Variants in CSPG4 observed in about 807,000 individuals in gnomAD.
The protein encoded by CSPG4 is chondroitin sulfate proteoglycan 4, also known as chondroitin sulfate proteoglycan 4 (melanoma-associated).
Under a neutral mutation model 139.3 loss-of-function variants are expected in CSPG4, and 74 were observed. The observed-to-expected ratio is 0.53, with a 90% confidence interval of 0.44 to 0.64. CSPG4 has a LOEUF of 0.64. Among genes scored for constraint, CSPG4 ranks in the 30% least tolerant of loss-of-function variants. CSPG4 has a pLI of 0.00. For synonymous variants in CSPG4, 1,234 were observed against 1,394.2 expected, an observed-to-expected ratio of 0.89 and a Z score of 2.56; for missense variants, 2,565 against 3,148.3, an observed-to-expected ratio of 0.81 and a Z score of 4.43.
rs761958703 is a variant in CSPG4 at position 75,682,887 on chromosome 15, G to A, written c.4604C>T (p.Thr1535Met). Reference sequence around the variant, plus strand: ...GAGCCCGCCGTCCAGCTGGGCCTGCGTGAAGCTGCGCACCTCAGTGCCCGG... The same window carrying A: ...GAGCCCGCCGTCCAGCTGGGCCTGCATGAAGCTGCGCACCTCAGTGCCCGG... ...GAPGTEVRSFTQAQLDGGLVL... is the reference protein window; with the variant it reads ...GAPGTEVRSFMQAQLDGGLVL... Residue 1535 changes from threonine to methionine, a missense_variant, in exon 6 of 10, where the codon ACG (threonine) becomes ATG (methionine). Thr to Met is a moderately conservative substitution (Grantham distance 81). Around this residue, in one of 5 missense-constraint regions of CSPG4, gnomAD observed 2,316 missense variants for 2,818.2 expected, o/e 0.82. Transcript: ENST00000308508. 18 of 1,610,570 alleles carry A rather than the reference G, an allele frequency of 1.1e-5. No homozygotes were observed. The highest frequency in any genetic ancestry group is 2.2e-5 in the East Asian group (1 of 44,868).
chr15:75,693,191 G>A lies in CSPG4; in HGVS notation c.131C>T (p.Thr44Met), dbSNP rs775593500. Residue 44 changes from threonine (T) to methionine (M), a missense_variant, in exon 2 of 10, where the codon ACG becomes ATG. By Grantham distance (81) the Thr-to-Met change is moderately conservative. Around this residue, in one of 5 missense-constraint regions of CSPG4, gnomAD observed 30 missense variants for 60.1 expected, o/e 0.50. Coordinates refer to ENST00000308508, the MANE Select transcript of CSPG4 (RefSeq NM_001897.5). ...GENHLEVPVA[T>M]ALTDIDLQLQ... ...CTGCAGGTCTATGTCGGTCAGAGCC[G>A]TGGCCACAGGCACCTCCAGGTGGTT... 37 of 1,610,582 alleles carry A rather than the reference G, an allele frequency of 2.3e-5. No homozygotes were observed. In the Middle Eastern group the frequency reaches 6.7e-4, roughly 29 times the overall value.
At position 75,675,984 on chromosome 15, in the gene CSPG4, G is replaced by A. The variant is rs944086289; in HGVS notation, c.6535C>T (p.Pro2179Ser). 4 of 1,577,570 alleles carry A rather than the reference G, an allele frequency of 2.5e-6. No homozygotes were observed. The highest frequency in any genetic ancestry group is 3.4e-6 in the Non-Finnish European group (4 of 1,166,704). The change falls in exon 10 of 10, where the codon CCC becomes TCC. Residue 2179 changes from proline to serine, a missense_variant. Pro to Ser is a moderately conservative substitution (Grantham distance 74). This residue lies in a region of CSPG4 where 2,316 missense variants were observed against 2,818.2 expected (regional missense o/e 0.82). Transcript: ENST00000308508. Reference sequence around the variant, plus strand: ...CCTGCTTCCGTCCGGGCGGCCTCGGGGACACTGAGCAGGGCCACGCTGTAG... The same window carrying A: ...CCTGCTTCCGTCCGGGCGGCCTCGGAGACACTGAGCAGGGCCACGCTGTAG... ...RPYSVALLSVPEAARTEAGKP... is the reference protein window; with the variant it reads ...RPYSVALLSVSEAARTEAGKP...
chr15:75,693,343 C>G, intron 1 of CSPG4, 110 bp from the exon 2 acceptor site: 2 of 1,089,250 alleles, frequency 1.8e-6, no homozygotes, highest in Non-Finnish European at 2.6e-6. Context: ...CTGGCGCACC[C>G]TCATGGTTCT....
chr15:75,686,813 G>T (rs1476923318), intron 3 of CSPG4, among the ~76,000 whole-genome samples: 3 of 152,236 alleles, frequency 2.0e-5, no homozygotes, highest in Non-Finnish European at 4.4e-5. Context: ...GCTCTGTGGG[G>T]TTCCTGGGTG....
chr15:75,687,946 T>A lies in CSPG4; in HGVS notation c.3119A>T (p.Asp1040Val), dbSNP rs1413970159. Residue 1040 changes from aspartate (D) to valine (V), a missense_variant, in exon 3 of 10, where the codon GAC becomes GTC. Transcript: ENST00000308508. The surrounding 1 kb of genome is among the most constrained non-coding windows in gnomAD (Gnocchi z 5.4). ...ARGGRRLLTT[D>V]DVAFSDADSG... ...GTCAGCATCGCTGAAGGCCACGTCG[T>A]CTGTAGTCAGCAGCCGCCGCCCACC... 1.2e-6 allele frequency: 2 copies of A among 1,612,874 alleles called. No homozygotes were observed. Among genetic ancestry groups the A allele is most frequent in the East Asian group, 4.5e-5 (2 of 44,888 alleles).
At chr15:75,704,396 G>A (rs1164272814) in intron 1 of CSPG4, among the ~76,000 whole-genome samples, 3 of 152,214 alleles carry the variant, frequency 2.0e-5, no homozygotes, top group Admixed American at 6.5e-5. Context: ...GACAGCCCCC[G>A]TCTGAGTACC....
At position 75,682,342 on chromosome 15, in the gene CSPG4, G is replaced by A. The variant is rs1257124792; in HGVS notation, c.4901C>T (p.Ala1634Val). 6.3e-7 allele frequency: 1 copy of A among 1,596,786 alleles called. No individual in the cohort carries two copies. The part of the protein sequence containing the change: ...RGPQLGRLFH[A>V]QQDSTGEALV... ...GGCCTCCCCTGTGCTGTCCTGCTGG[G>A]CGTGGAACAGCCGGCCTAGCTGGGG... The change falls in exon 8 of 10, where the codon GCC becomes GTC. Residue 1634 changes from alanine (A) to valine (V), a missense_variant. Around this residue, in one of 5 missense-constraint regions of CSPG4, gnomAD observed 2,316 missense variants for 2,818.2 expected, o/e 0.82. Transcript: ENST00000308508.
Position 75,688,476 on chromosome 15 carries a change from T to A in CSPG4, c.2589A>T (p.Ala863=), listed in dbSNP as rs1894100043. The A allele has an allele frequency of 6.2e-7, 1 of 1,613,090 alleles. No homozygotes were observed. The highest frequency in any genetic ancestry group is 1.7e-5 in the Admixed American group (1 of 60,000). ...TGTCCTCGACTGCCTCTGAGGCACG[T>A]GCTGTGGCCCCATAGGTCACCCGGC... ...QAGRVTYGAT[A]RASEAVEDTF... Residue 863 remains alanine, a synonymous_variant, in exon 3 of 10, where the codon GCA becomes GCT. Coordinates refer to ENST00000308508, the MANE Select transcript of CSPG4 (RefSeq NM_001897.5).
In CSPG4 at chr15:75,689,301, C is replaced by T. The variant is rs760894088; in HGVS notation, c.1764G>A (p.Glu588=). The change falls in exon 3 of 10, where the codon GAG becomes GAA. Residue 588 remains glutamate (E), a synonymous_variant. Transcript: ENST00000308508. ...TGCCAAGGACCTGGAAGGTGAGGCCCTCACAGGCAGAGTCCGGGTCATAGG... is the reference window on the plus strand; with the variant it reads ...TGCCAAGGACCTGGAAGGTGAGGCCTTCACAGGCAGAGTCCGGGTCATAGG... The part of the protein sequence containing the change: ...FQAYDPDSAC[E]GLTFQVLGTS... 3.1e-6 allele frequency: 5 copies of T among 1,610,978 alleles called. No individual in the cohort carries two copies. The highest frequency in any genetic ancestry group is 2.2e-4 in the Middle Eastern group (1 of 4,540).
intron 1 of CSPG4, among the ~76,000 whole-genome samples, chr15:75,694,039 C>A (rs755146401): frequency 6.6e-6 from 1 of 152,234 alleles, no homozygotes. Context: ...CAGTCAGATC[C>A]GGCCCCATTG....
intron 1 of CSPG4, among the ~76,000 whole-genome samples, chr15:75,701,530 T>C (rs938153666): frequency 6.6e-6 from 1 of 152,128 alleles, no homozygotes; most frequent in Non-Finnish European, 1.5e-5. Flanking sequence ...CCTCCTGGAA[T>C]AGGTTCCTGC....
rs764424815 is a variant in CSPG4 at position 75,677,789 on chromosome 15, G to A, written c.5048C>T (p.Ala1683Val). 2 of 1,611,940 alleles carry A rather than the reference G, an allele frequency of 1.2e-6. No homozygotes were observed. The highest frequency in any genetic ancestry group is 1.7e-5 in the Admixed American group (1 of 59,546). Reference protein sequence around the residue: ...TLELQLSSPPARDVAATLAVA... With the variant: ...TLELQLSSPPVRDVAATLAVA... The stretch of plus-strand genomic sequence containing the variant: ...AGCAAGGGTGGCGGCCACGTCCCGG[G>A]CAGGCGGCGAGGACAGCTGGAGCTC... The change falls in exon 9 of 10, where the codon GCC becomes GTC. Residue 1683 changes from alanine (A) to valine (V), a missense_variant. Physicochemically the swap from Ala to Val is moderately conservative, Grantham distance 64 (BLOSUM62 0). Around this residue, in one of 5 missense-constraint regions of CSPG4, gnomAD observed 2,316 missense variants for 2,818.2 expected, o/e 0.82. Coordinates refer to ENST00000308508, the MANE Select transcript of CSPG4 (RefSeq NM_001897.5).
chr15:75,684,404 C>T (rs754048574), intron 5 of CSPG4, among the ~76,000 whole-genome samples: 5 of 152,236 alleles, frequency 3.3e-5, no homozygotes, highest in Non-Finnish European at 7.3e-5. Flanking sequence ...ACAGCTTCCG[C>T]CCTGATGCCT....
At position 75,676,154 on chromosome 15, in the gene CSPG4, C is replaced by T. The variant is rs1202611452; in HGVS notation, c.6365G>A (p.Arg2122Lys). ...TGGCCTGCCCACCTCCAGCCCCAGC[C>T]TCCCGTCCTCAAGGTCCTGCTGAGT... ...QFTQQDLEDG[R>K]LGLEVGRPEG... The change falls in exon 10 of 10, where the codon AGG becomes AAG. Residue 2122 changes from arginine to lysine, a missense_variant. Arg to Lys is a conservative substitution (Grantham distance 26). Around this residue, in one of 5 missense-constraint regions of CSPG4, gnomAD observed 2,316 missense variants for 2,818.2 expected, o/e 0.82. Coordinates refer to ENST00000308508, the MANE Select transcript of CSPG4 (RefSeq NM_001897.5). 1 of 1,546,572 alleles carries T rather than the reference C, an allele frequency of 6.5e-7. No homozygotes were observed. Among genetic ancestry groups the T allele is most frequent in the Non-Finnish European group, 8.7e-7 (1 of 1,152,536 alleles).
At chr15:75,699,228 G>A (rs1214695118) in intron 1 of CSPG4, among the ~76,000 whole-genome samples, 2 of 152,188 alleles carry the variant, frequency 1.3e-5, no homozygotes, top group Admixed American at 1.3e-4. Flanking sequence ...ACCTGCTCAG[G>A]TGACTGCCTC....
chr15:75,675,393 A>G lies in CSPG4; in HGVS notation c.*157T>C, dbSNP rs1052461311. The G allele has an allele frequency of 6.7e-6, 5 of 742,362 alleles. No individual in the cohort carries two copies. In the African/African-American group the frequency reaches 9.1e-5, roughly 14 times the overall value. The allele number at this position is 742,362 out of a possible 1,614,324, so 46.0% of individuals were successfully genotyped here. On this transcript the variant is annotated 3_prime_UTR_variant, in exon 10 of 10. Coordinates refer to ENST00000308508, the MANE Select transcript of CSPG4 (RefSeq NM_001897.5). ...AGCTCTTGACTCCACTCTGTCCCGG[A>G]CCCCTGGGACTATCTCCCAGGACCC...
intron 9 of CSPG4, 25 bp downstream of exon 9, chr15:75,677,678 C>A: frequency 6.4e-7 from 1 of 1,572,290 alleles, no homozygotes; most frequent in South Asian, 1.2e-5. Context: ...TCCCCACAAT[C>A]TTGCCAGCTT....
rs1040145149 is a variant in CSPG4, at chr15:75,698,143, G to A, written c.89-4910C>T. Among the ~76,000 whole-genome samples the A allele has an allele frequency of 6.6e-6, 1 of 152,168 alleles. No homozygotes were observed. The highest frequency in any genetic ancestry group is 6.5e-5 in the Admixed American group (1 of 15,286). On this transcript the variant is annotated intron_variant, in intron 1 of 9. Transcript: ENST00000308508. The surrounding 1 kb of genome is among the most constrained non-coding windows in gnomAD (Gnocchi z 4.3). ...GGGAGGGAGGGCCCTGCTCCAAGAC[G>A]AAGCCAGACTTCTCCATCACCGCCC...
Position 75,689,695 on chromosome 15 carries a change from T to C in CSPG4, c.1370A>G (p.Asp457Gly), listed in dbSNP as rs769563983. Residue 457 changes from aspartate to glycine, a missense_variant, in exon 3 of 10, where the codon GAC becomes GGC. Transcript: ENST00000308508. ...LEWRHVQPTL[D>G]LMEAELRKSQ... ...TTTGCGCAGCTCAGCCTCCATCAGG[T>C]CCAGCGTGGGCTGCACATGCCTCCA... 31 of 1,612,846 alleles carry C rather than the reference T, an allele frequency of 1.9e-5. 2 individuals are homozygous for C. In the Middle Eastern group the frequency reaches 2.7e-3, roughly 138 times the overall value.
Sources: allele counts gnomAD v4.1 joint callset (sites outside exome capture counted in the v4.1 genomes callset), GRCh38; gene constraint gnomAD v4.1.1; regional missense constraint gnomAD v4.1.1; non-coding constraint Gnocchi (gnomAD v3.1); transcripts MANE v1.5; gene names NCBI Gene and HGNC (gene_info 2026-07-23, HGNC 2026-07-21).